The following EPB41L2 variants were observed in gnomAD, a reference collection of about 807,000 sequenced individuals.
EPB41L2 encodes the protein band 4.1-like protein 2.
In EPB41L2, 43 loss-of-function variants were observed where a neutral mutation model predicts 113.0. The ratio of observed to expected loss-of-function variants is 0.38; its 90% CI spans 0.30 to 0.49. EPB41L2 has a LOEUF of 0.49. Among genes scored for constraint, EPB41L2 ranks in the 20% least tolerant of loss-of-function variants. The probability of loss-of-function intolerance (pLI) is 0.95; values close to 1 mark genes in which losing one functional copy is unlikely to be tolerated. For synonymous variants in EPB41L2, 442 were observed against 436.7 expected, an observed-to-expected ratio of 1.01 and a Z score of -0.15; for missense variants, 1,147 against 1,223.4, an observed-to-expected ratio of 0.94 and a Z score of 0.93.
At chr6:130,911,186 T>C (rs1799276201) in intron 4 of EPB41L2, among the ~76,000 whole-genome samples, 1 of 152,178 alleles carries the variant, frequency 6.6e-6, no homozygotes, top group African/African-American at 2.4e-5. Context: ...CACGAAATAC[T>C]ATGCAGCCAT....
chr6:130,947,017 A>ACCCC (rs58960778), intron 3 of EPB41L2, among the ~76,000 whole-genome samples: 11 of 112,024 alleles, frequency 9.8e-5, no homozygotes, highest in African/African-American at 3.3e-4. Context: ...AATAAAGAAG[A>ACCCC]CCCCCCCCCC....
At chr6:130,902,773 T>C (rs141681623) in intron 6 of EPB41L2, among the ~76,000 whole-genome samples, 183 of 152,300 alleles carry the variant, frequency 1.2e-3, no homozygotes, top group African/African-American at 4.2e-3. Flanking sequence ...TTTCCTCTGT[T>C]TTCAAAGCCT....
intron 18 of EPB41L2, among the ~76,000 whole-genome samples, chr6:130,859,581 A>G (rs1781379915): frequency 6.6e-6 from 1 of 152,092 alleles, no homozygotes; most frequent in East Asian, 1.9e-4. Context: ...AGAGAATACC[A>G]TATCTCATAA....
At chr6:131,049,614 G>A (rs763978198) in intron 1 of EPB41L2, among the ~76,000 whole-genome samples, 15 of 152,206 alleles carry the variant, frequency 9.9e-5, no homozygotes, top group Non-Finnish European at 1.8e-4. Flanking sequence ...CCCCAAAAGC[G>A]AAGGCTGAAT....
In EPB41L2 at chr6:130,955,221, C is replaced by G; in HGVS notation, c.589G>C (p.Val197Leu). The G allele has an allele frequency of 6.2e-7, 1 of 1,614,148 alleles. No homozygotes were observed. Among genetic ancestry groups the G allele is most frequent in the Non-Finnish European group, 8.5e-7 (1 of 1,180,032 alleles). The change falls in exon 3 of 20, where the codon GTG becomes CTG. Residue 197 changes from valine to leucine, a missense_variant. Val to Leu is a conservative substitution (Grantham distance 32). Coordinates refer to ENST00000337057, the MANE Select transcript of EPB41L2 (RefSeq NM_001431.4). ...GGAAKRETKEVQTNELKAEKA... is the reference protein window; with the variant it reads ...GGAAKRETKELQTNELKAEKA... ...TCTGCTTTCAGCTCATTGGTCTGCA[C>G]TTCCTTGGTCTCCCTTTTTGCTGCT...
chr6:130,972,646 G>C (rs1025114551), intron 1 of EPB41L2, among the ~76,000 whole-genome samples: 3 of 151,426 alleles, frequency 2.0e-5, no homozygotes, highest in African/African-American at 7.3e-5. Context: ...CCCAACTACT[G>C]TGTTACTCTC....
intron 1 of EPB41L2, among the ~76,000 whole-genome samples, chr6:131,019,087 C>T (rs1341452448): frequency 6.6e-6 from 1 of 152,152 alleles, no homozygotes; most frequent in East Asian, 1.9e-4. Context: ...ACTGAAATTA[C>T]CCATTTATTT....
intron 1 of EPB41L2, among the ~76,000 whole-genome samples, chr6:130,981,404 C>G (rs903652032): frequency 6.6e-6 from 1 of 152,148 alleles, no homozygotes; most frequent in African/African-American, 2.4e-5. Context: ...ACTGTAGCTC[C>G]TATTCTCAAA....
At chr6:130,888,714 G>A (rs1791847329) in intron 11 of EPB41L2, among the ~76,000 whole-genome samples, 1 of 152,116 alleles carries the variant, frequency 6.6e-6, no homozygotes, top group Non-Finnish European at 1.5e-5. Context: ...TACATGGGTT[G>A]GCACATTTTT....
chr6:130,925,935 G>A (rs185852757), intron 4 of EPB41L2, among the ~76,000 whole-genome samples: 2 of 152,250 alleles, frequency 1.3e-5, no homozygotes, highest in Admixed American at 6.5e-5. Context: ...AAAACTTAAA[G>A]TATATATAAT....
intron 1 of EPB41L2, among the ~76,000 whole-genome samples, chr6:131,008,809 G>A (rs1049658046): frequency 1.3e-5 from 2 of 152,214 alleles, no homozygotes; most frequent in Non-Finnish European, 2.9e-5. Context: ...GGTGGGGCCT[G>A]TAGCCCCTTT....
chr6:130,914,231 T>A (rs910994360), intron 4 of EPB41L2, among the ~76,000 whole-genome samples: 2 of 152,234 alleles, frequency 1.3e-5, no homozygotes, highest in African/African-American at 4.8e-5. Context: ...CCCCAGCAGA[T>A]CATCATTAGT....
chr6:130,965,982 T>C (rs918059500), intron 1 of EPB41L2, among the ~76,000 whole-genome samples: 2 of 151,894 alleles, frequency 1.3e-5, no homozygotes, highest in African/African-American at 4.8e-5. Context: ...AGAAGAAGAA[T>C]GTCTTGGGCC....
chr6:130,981,541 T>C (rs1337404729), intron 1 of EPB41L2, among the ~76,000 whole-genome samples: 1 of 152,192 alleles, frequency 6.6e-6, no homozygotes. Flanking sequence ...TAGGGTTGAA[T>C]CCTTTCCAGG....
rs190750477 is a variant in EPB41L2, at chr6:130,959,188, A to G, written c.-14-2689T>C. Among the ~76,000 whole-genome samples the G allele has an allele frequency of 1.8e-4, 27 of 152,318 alleles. 1 individual carries two copies. Among genetic ancestry groups the G allele is most frequent in the Admixed American group, 1.8e-3 (27 of 15,298 alleles). ...GGAAGACTAGGGTGATGGTAGAACC[A>G]TTCATGGAAATGGGGAACACCTGTA... On this transcript the variant is annotated intron_variant, in intron 1 of 19. Coordinates refer to ENST00000337057, the MANE Select transcript of EPB41L2 (RefSeq NM_001431.4).
intron 6 of EPB41L2, among the ~76,000 whole-genome samples, chr6:130,904,166 T>C (rs1253199632): frequency 6.6e-6 from 1 of 152,138 alleles, no homozygotes; most frequent in African/African-American, 2.4e-5. Flanking sequence ...TATTAAAATC[T>C]CAAATATTAA....
chr6:130,938,390 C>G (rs1282574796), intron 3 of EPB41L2, among the ~76,000 whole-genome samples: 1 of 152,162 alleles, frequency 6.6e-6, no homozygotes, highest in African/African-American at 2.4e-5. Flanking sequence ...AAAGTGACAA[C>G]AAGGTCTTTG....
At chr6:131,030,666 AT>A (rs1178407417) in intron 1 of EPB41L2, among the ~76,000 whole-genome samples, 1 of 152,218 alleles carries the variant, frequency 6.6e-6, no homozygotes, top group Non-Finnish European at 1.5e-5. Context: ...CACTAGGCCC[AT>A]TTTGTAAAGA....
chr6:130,877,282 T>C (rs2128460926), intron 14 of EPB41L2, among the ~76,000 whole-genome samples: 1 of 152,248 alleles, frequency 6.6e-6, no homozygotes, highest in African/African-American at 2.4e-5. Context: ...AAGATGAAAT[T>C]GTAGGGTAAC....
Sources: allele counts gnomAD v4.1 joint callset (sites outside exome capture counted in the v4.1 genomes callset), GRCh38; gene constraint gnomAD v4.1.1; transcripts MANE v1.5; gene names NCBI Gene and HGNC (gene_info 2026-07-23, HGNC 2026-07-21).